The following PIK3C2A variants were observed in gnomAD, a reference collection of about 807,000 sequenced individuals.
The protein encoded by PIK3C2A is phosphatidylinositol 4-phosphate 3-kinase C2 domain-containing subunit alpha.
PIK3C2A carries 97 observed loss-of-function variants against 204.5 expected under a neutral mutation model. That is an observed-to-expected ratio of 0.47 (90% CI 0.40 to 0.56). PIK3C2A has a LOEUF of 0.56. Among genes scored for constraint, PIK3C2A ranks in the 20% least tolerant of loss-of-function variants. PIK3C2A has a pLI of 0.00. For synonymous variants in PIK3C2A, 653 were observed against 664.4 expected (o/e 0.98, Z 0.26); for missense variants, 1,735 against 1,969.2 (o/e 0.88, Z 2.25).
chr11:17,167,389 A>G (rs112936757), intron 2 of PIK3C2A, among the ~76,000 whole-genome samples: 1 of 152,098 alleles, frequency 6.6e-6, no homozygotes, highest in African/African-American at 2.4e-5. Flanking sequence ...CTGGGAGGCC[A>G]AGGTGGGCTG....
intron 12 of PIK3C2A, among the ~76,000 whole-genome samples, chr11:17,131,661 T>A (rs1031796243): frequency 1.8e-4 from 28 of 152,134 alleles, no homozygotes; most frequent in African/African-American, 6.8e-4. Flanking sequence ...GACCTCATGA[T>A]CCGCCCGCCT....
intron 13 of PIK3C2A, among the ~76,000 whole-genome samples, chr11:17,126,400 G>A (rs1161084862): frequency 6.6e-6 from 1 of 151,902 alleles, no homozygotes; most frequent in Non-Finnish European, 1.5e-5. Flanking sequence ...CAAAAAAAAA[G>A]TTTTTTAAAA....
intron 8 of PIK3C2A, among the ~76,000 whole-genome samples, chr11:17,137,633 T>A (rs552062552): frequency 1.1e-3 from 165 of 152,202 alleles, no homozygotes; most frequent in Non-Finnish European, 2.2e-3. Flanking sequence ...GGTCTCAAAC[T>A]CCTGACCTCA....
chr11:17,108,321 T>C (rs1848896343), intron 22 of PIK3C2A, among the ~76,000 whole-genome samples: 2 of 152,168 alleles, frequency 1.3e-5, no homozygotes, highest in African/African-American at 4.8e-5. Context: ...TACAAGTACA[T>C]AGCTGGACAC....
At position 17,105,247 on chromosome 11, in the gene PIK3C2A, A is replaced by C; in HGVS notation, c.3603T>G (p.Gly1201=). ...DTLRKIQVEY[G]VTGSFKDKPL... is the part of the protein sequence containing the mutation. ...GTTTATCTTTAAAGGATCCTGTCAC[A>C]CCATATTCCACTTGGATTTTCCTGA... is the stretch of plus-strand genomic sequence containing the variant. The change falls in exon 23 of 33, where the codon GGT becomes GGG. Residue 1201 remains glycine, a synonymous_variant. Transcript: ENST00000691414. The C allele has an allele frequency of 6.2e-7, 1 of 1,609,944 alleles. No individual in the cohort carries two copies. Among genetic ancestry groups the C allele is most frequent in the Non-Finnish European group, 8.5e-7 (1 of 1,177,256 alleles).
At chr11:17,105,056 C>T in intron 23 of PIK3C2A, 113 bp downstream of exon 23, 5 of 750,322 alleles carry the variant, frequency 6.7e-6, no homozygotes, top group Non-Finnish European at 8.9e-6. Context: ...TGCTCTTTTC[C>T]TGACTTAGAC....
At chr11:17,145,626 G>A in intron 8 of PIK3C2A, 42 bp downstream of exon 8, 1 of 1,168,668 alleles carries the variant, frequency 8.6e-7, no homozygotes, top group Non-Finnish European at 1.3e-6. Flanking sequence ...GAAGCAGCAA[G>A]AATCTTTAAG....
intron 8 of PIK3C2A, chr11:17,137,854 G>T: frequency 6.5e-6 from 2 of 309,798 alleles, no homozygotes; most frequent in Non-Finnish European, 1.3e-5. Flanking sequence ...TTTGTCAATT[G>T]AACACACAGA....
At chr11:17,146,123 C>T (rs1850235857) in intron 6 of PIK3C2A, among the ~76,000 whole-genome samples, 181 bp from the exon 7 acceptor site, 1 of 152,060 alleles carries the variant, frequency 6.6e-6, no homozygotes, top group Non-Finnish European at 1.5e-5. Context: ...AGTGAGTCAA[C>T]ATCCTGAAAA....
At chr11:17,182,462 G>A (rs1425603368) in intron 1 of PIK3C2A, among the ~76,000 whole-genome samples, 2 of 151,600 alleles carry the variant, frequency 1.3e-5, no homozygotes, top group Admixed American at 1.3e-4. Flanking sequence ...AGCTACTCTG[G>A]AGGCTGACAG....
At chr11:17,163,648 A>G (rs1185353058) in intron 2 of PIK3C2A, among the ~76,000 whole-genome samples, 2 of 151,944 alleles carry the variant, frequency 1.3e-5, no homozygotes, top group African/African-American at 2.4e-5. Context: ...TCTTGGCCTC[A>G]AGCAATCCTC....
chr11:17,100,809 A>G (rs990825499), intron 25 of PIK3C2A, among the ~76,000 whole-genome samples: 3 of 152,242 alleles, frequency 2.0e-5, no homozygotes, highest in Non-Finnish European at 2.9e-5. Flanking sequence ...TATTTCACTT[A>G]AGACAATTGT....
At chr11:17,101,628 G>A (rs1373536234) in intron 24 of PIK3C2A, among the ~76,000 whole-genome samples, 194 bp from the exon 25 acceptor site, 1 of 140,342 alleles carries the variant, frequency 7.1e-6, no homozygotes, top group Admixed American at 7.5e-5. Flanking sequence ...TTTTGAGACA[G>A]AGTCCTGCTC....
In PIK3C2A at chr11:17,155,854, G is replaced by C. The variant is rs1850573825; in HGVS notation, c.1066-225C>G. On this transcript the variant is annotated intron_variant, in intron 2 of 32. Transcript: ENST00000691414. ...TTTTACTTGCTCAATAGTAGAAACA[G>C]GCTATACCGGTCAGTAAGAATGGAA... 2.6e-5 allele frequency among the ~76,000 whole-genome samples: 4 copies of C among 152,186 alleles called. No individual in the cohort carries two copies. In the South Asian group the frequency reaches 8.3e-4, roughly 32 times the overall value.
chr11:17,088,500 C>T lies in PIK3C2A; in HGVS notation c.*1238G>A, dbSNP rs1321528330. The T allele has an allele frequency of 6.6e-6, 1 of 152,226 alleles. No individual in the cohort carries two copies. The highest frequency in any genetic ancestry group is 2.4e-5 in the African/African-American group (1 of 41,454). The allele number at this position is 152,226 out of a possible 1,614,324, so 9.4% of individuals were successfully genotyped here. ...CAGGTGATCCGCCCACCTTGGCCTC[C>T]CAAAGTGTTGGGATTACAGGCAGGA... On this transcript the variant is annotated 3_prime_UTR_variant, in exon 33 of 33. Transcript: ENST00000691414.
intron 30 of PIK3C2A, 48 bp downstream of exon 30, chr11:17,091,948 G>C (rs768797017): frequency 4.4e-6 from 5 of 1,138,232 alleles, no homozygotes; most frequent in Non-Finnish European, 6.7e-6. Context: ...AGAAGTTACA[G>C]ACTTGCAGAT....
At chr11:17,179,021 GCC>G (rs766672730) in intron 1 of PIK3C2A, among the ~76,000 whole-genome samples, 151,656 of 151,680 alleles carry the variant, frequency 1, 75,816 homozygotes, top group Middle Eastern at 1. Flanking sequence ...GAGCCACCGC[GCC>G]CCCGCTGATT....
At position 17,110,449 on chromosome 11, in the gene PIK3C2A, G is replaced by A. The variant is rs866908599; in HGVS notation, c.3527C>T (p.Ser1176Leu). ...DLRMVIFKCLSTGRDRGMVEL... is the reference protein window; with the variant it reads ...DLRMVIFKCLLTGRDRGMVEL... Reference sequence around the variant, plus strand: ...AAACTTACCTCGATCTCTGCCAGTTGAGAGACATTTGAAAATTACCATCCT... The same window carrying A: ...AAACTTACCTCGATCTCTGCCAGTTAAGAGACATTTGAAAATTACCATCCT... The change falls in exon 22 of 33, where the codon TCA becomes TTA. Residue 1176 changes from serine (S) to leucine (L), a missense_variant. Around this residue, in one of 6 missense-constraint regions of PIK3C2A, gnomAD observed 503 missense variants for 669.0 expected, o/e 0.75. Coordinates refer to ENST00000691414, the MANE Select transcript of PIK3C2A (RefSeq NM_002645.4). 3.1e-6 allele frequency: 5 copies of A among 1,610,972 alleles called. No individual in the cohort carries two copies. The highest frequency in any genetic ancestry group is 4.2e-6 in the Non-Finnish European group (5 of 1,178,522).
At chr11:17,091,947 A>C in intron 30 of PIK3C2A, 49 bp downstream of exon 30, 3 of 1,126,588 alleles carry the variant, frequency 2.7e-6, no homozygotes, top group East Asian at 2.3e-5. Flanking sequence ...GAGAAGTTAC[A>C]GACTTGCAGA....
Sources: gnomAD v4.1 joint callset for allele counts (sites outside exome capture counted in the v4.1 genomes callset) on GRCh38, gnomAD v4.1.1 for gene constraint, gnomAD v4.1.1 regional missense constraint, MANE v1.5 for transcripts, NCBI Gene and HGNC (gene_info 2026-07-23, HGNC 2026-07-21) for gene names.